The following B3GALT1 variants were observed in gnomAD, a reference collection of about 807,000 sequenced individuals.
B3GALT1 encodes UDP-Gal:betaGlcNAc beta 1,3-galactosyltransferase, polypeptide 1.
Under a neutral mutation model 23.2 loss-of-function variants are expected in B3GALT1, and 10 were observed. The ratio of observed to expected loss-of-function variants is 0.43; its 90% CI spans 0.27 to 0.73. The LOEUF (loss-of-function observed/expected upper bound fraction) is 0.73. Among genes scored for constraint, B3GALT1 ranks in the 30% least tolerant of loss-of-function variants. B3GALT1 has a pLI of 0.21. For missense variants in B3GALT1, 299 were observed against 405.4 expected (o/e 0.74, Z 2.25); for synonymous variants, 156 against 141.5 (o/e 1.10, Z -0.73).
At chr2:167,424,981 C>T (rs777641518) in intron 1 of B3GALT1, among the ~76,000 whole-genome samples, 3 of 152,182 alleles carry the variant, frequency 2.0e-5, no homozygotes, top group Admixed American at 6.5e-5. Flanking sequence ...CACTTCTTTC[C>T]CCAGCTGCTC....
chr2:167,680,913 A>C (rs1268765924), intron 3 of B3GALT1, among the ~76,000 whole-genome samples: 1 of 152,232 alleles, frequency 6.6e-6, no homozygotes, highest in African/African-American at 2.4e-5. Context: ...CAGAAATAGA[A>C]GTAAGGCACT....
At chr2:167,648,057 C>T (rs751023345) in intron 3 of B3GALT1, among the ~76,000 whole-genome samples, 4 of 152,016 alleles carry the variant, frequency 2.6e-5, no homozygotes, top group Non-Finnish European at 4.4e-5. Flanking sequence ...ATTAATCTGC[C>T]ACTAAATTTT....
intron 3 of B3GALT1, among the ~76,000 whole-genome samples, chr2:167,736,772 T>G (rs1404065751): frequency 6.6e-6 from 1 of 151,988 alleles, no homozygotes; most frequent in Non-Finnish European, 1.5e-5. Flanking sequence ...TATATGTATA[T>G]ACACATGAAA....
At chr2:167,519,612 T>G (rs1025460865) in intron 2 of B3GALT1, among the ~76,000 whole-genome samples, 2 of 152,216 alleles carry the variant, frequency 1.3e-5, no homozygotes, top group Non-Finnish European at 2.9e-5. Flanking sequence ...CATATTTGAT[T>G]GTTTTAATAA....
chr2:167,534,197 G>A (rs929976847), intron 2 of B3GALT1, among the ~76,000 whole-genome samples: 3 of 152,018 alleles, frequency 2.0e-5, no homozygotes, highest in African/African-American at 4.8e-5. Flanking sequence ...CCTTAACTCC[G>A]AAGACATTGC....
intron 2 of B3GALT1, among the ~76,000 whole-genome samples, chr2:167,615,291 A>G (rs1251819014): frequency 1.3e-5 from 2 of 152,062 alleles, no homozygotes; most frequent in Non-Finnish European, 2.9e-5. Flanking sequence ...CAGAAAGACA[A>G]ATACTGTGTG....
chr2:167,519,674 A>T (rs1700158610), intron 2 of B3GALT1, among the ~76,000 whole-genome samples: 1 of 152,214 alleles, frequency 6.6e-6, no homozygotes, highest in African/African-American at 2.4e-5. Context: ...AATTTGGAAA[A>T]TATATAAAAG....
intron 2 of B3GALT1, among the ~76,000 whole-genome samples, chr2:167,527,459 T>TG (rs1163073533): frequency 7.9e-6 from 1 of 127,034 alleles, no homozygotes. Flanking sequence ...TTTATAGAAA[T>TG]GAAAAAAAGC....
intron 2 of B3GALT1, among the ~76,000 whole-genome samples, chr2:167,510,426 T>G (rs62196683): frequency 6.7e-6 from 1 of 148,630 alleles, no homozygotes; most frequent in African/African-American, 2.5e-5. Context: ...TTTTTTTTTT[T>G]CCAGCCTAAG....
In B3GALT1 at chr2:167,809,281, A is replaced by G. The variant is rs376822589; in HGVS notation, c.-351-9391A>G. On this transcript the variant is annotated intron_variant, in intron 3 of 4. Coordinates refer to ENST00000392690, the MANE Select transcript of B3GALT1 (RefSeq NM_020981.4). ...GATCGTCTGAAGCCTTCTTCTCTCAACTCATCAAAGTCATTCTCTGTCCAG... is the reference window on the plus strand; with the variant it reads ...GATCGTCTGAAGCCTTCTTCTCTCAGCTCATCAAAGTCATTCTCTGTCCAG... 1.8e-4 allele frequency among the ~76,000 whole-genome samples: 27 copies of G among 152,104 alleles called. No homozygotes were observed. The East Asian group carries it at 3.3e-3, about 19-fold the overall frequency.
intron 1 of B3GALT1, among the ~76,000 whole-genome samples, chr2:167,321,405 T>C (rs1574031623): frequency 6.6e-6 from 1 of 152,218 alleles, no homozygotes; most frequent in South Asian, 2.1e-4. Context: ...ATATTTGCTA[T>C]ATATAAAATG....
At chr2:167,346,745 TGGG>T (rs202176994) in intron 1 of B3GALT1, among the ~76,000 whole-genome samples, 4 of 35,596 alleles carry the variant, frequency 1.1e-4, no homozygotes, top group Non-Finnish European at 3.1e-4. Flanking sequence ...TGTGTGTGTG[TGGG>T]GGGGGGGTGG....
At chr2:167,750,430 G>A (rs1320932858) in intron 3 of B3GALT1, among the ~76,000 whole-genome samples, 1 of 152,096 alleles carries the variant, frequency 6.6e-6, no homozygotes, top group Non-Finnish European at 1.5e-5. Flanking sequence ...CTCTCTTAGT[G>A]GCATTTTTTA....
chr2:167,821,757 T>C (rs1689112210), intron 4 of B3GALT1, among the ~76,000 whole-genome samples: 1 of 152,190 alleles, frequency 6.6e-6, no homozygotes, highest in South Asian at 2.1e-4. Flanking sequence ...TTTTTTATCC[T>C]TGACACTGCT....
rs1690371970 is a variant in B3GALT1 at position 167,872,466 on chromosome 2, C to A, written c.*2446C>A. The A allele has an allele frequency of 1.3e-5, 2 of 152,188 alleles. No homozygotes were observed. Among genetic ancestry groups the A allele is most frequent in the African/African-American group, 4.8e-5 (2 of 41,442 alleles). 9.4% of individuals were successfully genotyped at this position (152,188 alleles called of 1,614,324 possible). ...ATGGATCAGCACAAGGTGAACCACC[C>A]TCCAACCTGCAGCCTCAACTGCTGT... On this transcript the variant is annotated 3_prime_UTR_variant, in exon 5 of 5. Coordinates refer to ENST00000392690, the MANE Select transcript of B3GALT1 (RefSeq NM_020981.4).
At chr2:167,364,824 T>G (rs1458770370) in intron 1 of B3GALT1, among the ~76,000 whole-genome samples, 2 of 152,204 alleles carry the variant, frequency 1.3e-5, no homozygotes, top group East Asian at 3.8e-4. Flanking sequence ...TCCTTTCCAG[T>G]TTGCATATCA....
At chr2:167,782,707 G>A (rs1008003021) in intron 3 of B3GALT1, among the ~76,000 whole-genome samples, 3 of 152,154 alleles carry the variant, frequency 2.0e-5, no homozygotes, top group Non-Finnish European at 4.4e-5. Context: ...AACAGGGTGT[G>A]CATGTTAAGA....
At chr2:167,825,975 T>G (rs1689216179) in intron 4 of B3GALT1, among the ~76,000 whole-genome samples, 1 of 152,234 alleles carries the variant, frequency 6.6e-6, no homozygotes, top group Non-Finnish European at 1.5e-5. Context: ...CTCTGATTCC[T>G]TCTCTTTCAG....
intron 3 of B3GALT1, among the ~76,000 whole-genome samples, chr2:167,708,362 A>C (rs1486220774): frequency 6.6e-6 from 1 of 152,226 alleles, no homozygotes; most frequent in Non-Finnish European, 1.5e-5. Flanking sequence ...GGAGCAAAAC[A>C]CAAGAAAATG....
Sources: gnomAD v4.1 joint callset for allele counts (sites outside exome capture counted in the v4.1 genomes callset) on GRCh38, gnomAD v4.1.1 for gene constraint, MANE v1.5 for transcripts, NCBI Gene and HGNC (gene_info 2026-07-23, HGNC 2026-07-21) for gene names.